NRG3: variants seen among roughly 807,000 people sequenced by gnomAD.
NRG3 encodes the protein pro-neuregulin-3, membrane-bound isoform.
NRG3 carries 31 observed loss-of-function variants against 66.9 expected under a neutral mutation model. That is an observed-to-expected ratio of 0.46 (90% CI 0.35 to 0.63). The LOEUF (loss-of-function observed/expected upper bound fraction) is 0.63, where lower values mean the gene tolerates loss of function less well. NRG3 is among the 20% of genes least tolerant of loss of function. The pLI is 0.00. For missense variants in NRG3, 910 were observed against 878.9 expected (o/e 1.04, Z -0.45); for synonymous variants, 393 against 359.4 (o/e 1.09, Z -1.06).
chr10:82,684,198 CT>C (rs2054329766), intron 2 of NRG3, among the ~76,000 whole-genome samples: 1 of 152,144 alleles, frequency 6.6e-6, no homozygotes, highest in Admixed American at 6.5e-5. Context: ...ATCCCATTCC[CT>C]CAGGGATAAT....
intron 1 of NRG3, among the ~76,000 whole-genome samples, chr10:82,140,724 C>T (rs1330717566): frequency 2.0e-5 from 3 of 151,168 alleles, no homozygotes; most frequent in African/African-American, 7.3e-5. Context: ...AAGGAGACCC[C>T]GTCTCAAAAA....
intron 1 of NRG3, among the ~76,000 whole-genome samples, chr10:82,049,136 G>A (rs529821170): frequency 3.3e-5 from 5 of 152,058 alleles, no homozygotes; most frequent in South Asian, 2.1e-4. Flanking sequence ...TTCTTCGTAC[G>A]GTATAGGAAG....
At chr10:82,346,706 T>C (rs927315697) in intron 1 of NRG3, among the ~76,000 whole-genome samples, 43 of 151,588 alleles carry the variant, frequency 2.8e-4, no homozygotes, top group Admixed American at 2.5e-3. Flanking sequence ...GGACTCTTTT[T>C]GGTTGGTAAG....
intron 2 of NRG3, among the ~76,000 whole-genome samples, chr10:82,417,856 G>A (rs1456714336): frequency 6.6e-6 from 1 of 152,172 alleles, no homozygotes; most frequent in Non-Finnish European, 1.5e-5. Context: ...CATCAGTCTG[G>A]CTCTTAAGAG....
Position 82,791,737 on chromosome 10 carries a change from T to C in NRG3, c.1027+53087T>C, listed in dbSNP as rs147211178. Among the ~76,000 whole-genome samples the C allele has an allele frequency of 6.3e-3, 960 of 152,348 alleles. 8 individuals are homozygous for C. Among genetic ancestry groups the C allele is most frequent in the African/African-American group, 0.022 (923 of 41,590 alleles). The stretch of plus-strand genomic sequence containing the variant: ...ATCTTAAGCTTTTTGACAAGCTTCT[T>C]GTTTGCCCCAACTTGCTTTGCTGCC... On this transcript the variant is annotated intron_variant, in intron 3 of 8. Transcript: ENST00000372141.
intron 2 of NRG3, among the ~76,000 whole-genome samples, chr10:82,526,031 A>G (rs1846659366): frequency 6.6e-6 from 1 of 151,942 alleles, no homozygotes; most frequent in East Asian, 1.9e-4. Flanking sequence ...AAAGGATAAA[A>G]CTATGCAGTA....
chr10:81,991,603 G>T (rs1294294906), intron 1 of NRG3, among the ~76,000 whole-genome samples: 1 of 152,050 alleles, frequency 6.6e-6, no homozygotes, highest in Non-Finnish European at 1.5e-5. Flanking sequence ...GCAAGTTAGA[G>T]TTTTCTAAAA....
intron 2 of NRG3, among the ~76,000 whole-genome samples, chr10:82,697,063 G>A (rs1480484607): frequency 1.3e-5 from 2 of 152,176 alleles, no homozygotes. Flanking sequence ...ACTATCAGAT[G>A]CTGATATATA....
chr10:82,145,542 C>T (rs1403673508), intron 1 of NRG3, among the ~76,000 whole-genome samples: 1 of 152,162 alleles, frequency 6.6e-6, no homozygotes, highest in East Asian at 1.9e-4. Context: ...CATATTAAAA[C>T]CACCAGTGAT....
intron 1 of NRG3, among the ~76,000 whole-genome samples, chr10:81,944,103 C>T (rs1018750715): frequency 3.3e-5 from 5 of 152,298 alleles, no homozygotes; most frequent in Non-Finnish European, 5.9e-5. Context: ...TCACCAGACA[C>T]GCCTGTGACA....
rs912572134 is a variant in NRG3 at position 82,547,213 on chromosome 10, G to C, written c.953+188345G>C. On this transcript the variant is annotated intron_variant, in intron 2 of 8. Transcript: ENST00000372141. ...TATTGAGTTTTATATTTCTAATTTT[G>C]TTCTTTTTAAAATAAAATAATGCTA... 1.8e-4 allele frequency among the ~76,000 whole-genome samples: 27 copies of C among 151,712 alleles called. 1 individual carries two copies. The highest frequency in any genetic ancestry group is 6.3e-4 in the African/African-American group (26 of 41,344).
intron 1 of NRG3, among the ~76,000 whole-genome samples, chr10:82,000,857 G>GT (rs748570112): frequency 2.0e-5 from 3 of 152,048 alleles, no homozygotes; most frequent in Non-Finnish European, 2.9e-5. Context: ...TTTGATTCTT[G>GT]TTTTTCAGTG....
chr10:82,062,942 A>C (rs896262181), intron 1 of NRG3, among the ~76,000 whole-genome samples: 2 of 152,134 alleles, frequency 1.3e-5, no homozygotes, highest in African/African-American at 2.4e-5. Context: ...TTGAGGACTA[A>C]TATTGCCATT....
chr10:82,124,502 C>T (rs558817351), intron 1 of NRG3, among the ~76,000 whole-genome samples: 6 of 151,810 alleles, frequency 4.0e-5, no homozygotes, highest in South Asian at 4.2e-4. Flanking sequence ...TGTTCTCACT[C>T]GTAAGTGAGG....
intron 1 of NRG3, among the ~76,000 whole-genome samples, chr10:81,895,049 A>G (rs1367097248): frequency 1.3e-5 from 2 of 152,104 alleles, no homozygotes; most frequent in Non-Finnish European, 2.9e-5. Flanking sequence ...GTTTTTTGGC[A>G]TCTACTTCCC....
intron 2 of NRG3, among the ~76,000 whole-genome samples, chr10:82,710,873 T>C (rs2056625238): frequency 6.6e-6 from 1 of 152,152 alleles, no homozygotes; most frequent in African/African-American, 2.4e-5. Flanking sequence ...CAATGATCTT[T>C]TTACTGCCTT....
intron 2 of NRG3, among the ~76,000 whole-genome samples, chr10:82,498,234 A>G (rs561551155): frequency 1.3e-5 from 2 of 152,228 alleles, no homozygotes; most frequent in East Asian, 3.9e-4. Flanking sequence ...AAAAAAATCC[A>G]TCATTAAGGG....
intron 8 of NRG3, among the ~76,000 whole-genome samples, chr10:82,983,579 G>T (rs1339435301): frequency 1.3e-5 from 2 of 152,056 alleles, no homozygotes; most frequent in Non-Finnish European, 2.9e-5. Context: ...ACATACTAAA[G>T]ATATAATTTT....
intron 2 of NRG3, among the ~76,000 whole-genome samples, chr10:82,395,451 G>C (rs2086653176): frequency 6.6e-6 from 1 of 152,174 alleles, no homozygotes. Context: ...TCCCTTAGTA[G>C]ACTGTCCATA....
Sources: gnomAD v4.1 joint callset for allele counts (sites outside exome capture counted in the v4.1 genomes callset) on GRCh38, gnomAD v4.1.1 for gene constraint, MANE v1.5 for transcripts, NCBI Gene and HGNC (gene_info 2026-07-23, HGNC 2026-07-21) for gene names.